YTHDC2: variants seen among roughly 807,000 people sequenced by gnomAD.
The protein encoded by YTHDC2 is 3'-5' RNA helicase YTHDC2.
YTHDC2 carries 45 observed loss-of-function variants against 174.9 expected under a neutral mutation model. The ratio of observed to expected loss-of-function variants is 0.26; its 90% CI spans 0.20 to 0.33. The LOEUF is 0.33. YTHDC2 is among the 10% of genes least tolerant of loss of function. The pLI, the probability that YTHDC2 is intolerant of heterozygous loss-of-function variation, is 1.00. For synonymous variants in YTHDC2, 657 were observed against 574.5 expected, an observed-to-expected ratio of 1.14 and a Z score of -2.05; for missense variants, 1,650 against 1,723.7, an observed-to-expected ratio of 0.96 and a Z score of 0.76.
At chr5:113,581,000 C>G (rs1179350735) in intron 24 of YTHDC2, among the ~76,000 whole-genome samples, 1 of 152,104 alleles carries the variant, frequency 6.6e-6, no homozygotes, top group African/African-American at 2.4e-5. Flanking sequence ...ATTTTGCAAT[C>G]ATTTAGGAAC....
intron 12 of YTHDC2, among the ~76,000 whole-genome samples, chr5:113,552,119 A>C (rs766653044): frequency 1.3e-5 from 2 of 152,120 alleles, no homozygotes; most frequent in South Asian, 2.1e-4. Flanking sequence ...AATTAGATAC[A>C]ACCTATTAAG....
At position 113,514,341 on chromosome 5, in the gene YTHDC2, T is replaced by C. The variant is rs1773249040; in HGVS notation, c.187+259T>C. 3 of 670,660 alleles carry C rather than the reference T, an allele frequency of 4.5e-6. No individual in the cohort carries two copies. The South Asian group carries it at 4.5e-5, about 10-fold the overall frequency. The allele number at this position is 670,660 out of a possible 1,614,324, so 41.5% of individuals were successfully genotyped here. ...TAGCTGAAAGTGTTTTTCCCCCGCGTCTTTCAGCAGCCTTGGGCGGTTAAG... is the reference window on the plus strand; with the variant it reads ...TAGCTGAAAGTGTTTTTCCCCCGCGCCTTTCAGCAGCCTTGGGCGGTTAAG... On this transcript the variant is annotated intron_variant, in intron 1 of 29. Coordinates refer to ENST00000161863, the MANE Select transcript of YTHDC2 (RefSeq NM_022828.5).
Position 113,585,140 on chromosome 5 carries a change from T to A in YTHDC2, c.3825+661T>A, listed in dbSNP as rs139828256. 1.2e-3 allele frequency among the ~76,000 whole-genome samples: 187 copies of A among 152,168 alleles called. 3 individuals carry two copies. In the East Asian group the frequency reaches 0.034, roughly 27 times the overall value. On this transcript the variant is annotated intron_variant, in intron 26 of 29. Coordinates refer to ENST00000161863, the MANE Select transcript of YTHDC2 (RefSeq NM_022828.5). ...AGATTAATTTAACTTTGGTTTATAA[T>A]TTCAGAATCGAAAACAGTGGTTTCT...
In YTHDC2 at chr5:113,564,034, C is replaced by G; in HGVS notation, c.2618C>G (p.Pro873Arg). ...GCTTATCGAGATCCTTTTGTACTAC[C>G]TACTCAGGCCTCTCAAAAACGTGCA... The part of the protein sequence containing the change: ...TLAYRDPFVL[P>R]TQASQKRAAM... Residue 873 changes from proline to arginine, a missense_variant, in exon 20 of 30, where the codon CCT becomes CGT. Around this residue, in one of 5 missense-constraint regions of YTHDC2, gnomAD observed 913 missense variants for 940.4 expected, o/e 0.97. Coordinates refer to ENST00000161863, the MANE Select transcript of YTHDC2 (RefSeq NM_022828.5). The G allele has an allele frequency of 6.2e-7, 1 of 1,614,100 alleles. No individual in the cohort carries two copies. The highest frequency in any genetic ancestry group is 8.5e-7 in the Non-Finnish European group (1 of 1,180,002).
chr5:113,567,048 CT>C (rs1554099966), intron 21 of YTHDC2, 43 bp from the exon 22 acceptor site: 9 of 1,580,522 alleles, frequency 5.7e-6, no homozygotes, highest in Non-Finnish European at 7.7e-6. Flanking sequence ...ACAAAAGTAT[CT>C]TTTGCACAAT....
intron 8 of YTHDC2, 138 bp downstream of exon 8, chr5:113,539,319 G>C (rs1421715741): frequency 5.3e-6 from 2 of 377,110 alleles, no homozygotes; most frequent in Non-Finnish European, 9.6e-6. Flanking sequence ...CCTTATATTG[G>C]AATATTGTCC....
chr5:113,518,844 G>C (rs1291729227), intron 2 of YTHDC2, among the ~76,000 whole-genome samples: 4 of 151,792 alleles, frequency 2.6e-5, no homozygotes, highest in Non-Finnish European at 5.9e-5. Context: ...GATGGATTTT[G>C]TTTTTCATCT....
At chr5:113,561,317 T>C (rs1261580059) in intron 18 of YTHDC2, 132 bp downstream of exon 18, 2 of 562,232 alleles carry the variant, frequency 3.6e-6, no homozygotes, top group Non-Finnish European at 5.9e-6. Context: ...TTATGGAGGG[T>C]GGCTATGTCT....
At chr5:113,570,708 C>T (rs147642320) in intron 23 of YTHDC2, among the ~76,000 whole-genome samples, 4,331 of 151,620 alleles carry the variant, frequency 0.029, 92 homozygotes, top group East Asian at 0.09. Flanking sequence ...TGGAGTGCAG[C>T]GGTGTGATCT....
chr5:113,563,060 G>A lies in YTHDC2; in HGVS notation c.2323-313G>A, dbSNP rs114501188. Among the ~76,000 whole-genome samples, 991 of 106,914 alleles carry A rather than the reference G, an allele frequency of 9.3e-3. 7 individuals carry two copies. The highest frequency in any genetic ancestry group is 0.052 in the African/African-American group (922 of 17,684). The allele number at this position is 106,914 out of a possible 152,430, so 70.1% of individuals were successfully genotyped here. A position where few individuals can be genotyped will look rare whatever the true frequency, so the allele number is the denominator to read the frequency against. On this transcript the variant is annotated intron_variant, in intron 18 of 29. Coordinates refer to ENST00000161863, the MANE Select transcript of YTHDC2 (RefSeq NM_022828.5). ...TTCTAGAATGTAGTAAGTATAAAGGGGGGAAAAGATTTTTTTTTTTTTGGA... is the reference window on the plus strand; with the variant it reads ...TTCTAGAATGTAGTAAGTATAAAGGAGGGAAAAGATTTTTTTTTTTTTGGA...
chr5:113,535,486 C>T (rs975641508), intron 6 of YTHDC2, among the ~76,000 whole-genome samples, 156 bp from the exon 7 acceptor site: 10 of 152,184 alleles, frequency 6.6e-5, no homozygotes, highest in African/African-American at 2.4e-4. Context: ...CTAATTATTT[C>T]TGAAATTCCT....
intron 10 of YTHDC2, among the ~76,000 whole-genome samples, chr5:113,543,494 C>T (rs1220073751): frequency 6.6e-6 from 1 of 152,218 alleles, no homozygotes; most frequent in Non-Finnish European, 1.5e-5. Context: ...ATTTCACTCC[C>T]CTAGTCCAAG....
intron 13 of YTHDC2, 46 bp from the exon 14 acceptor site, chr5:113,553,544 C>G (rs200734913): frequency 1.3e-6 from 2 of 1,585,956 alleles, no homozygotes; most frequent in East Asian, 2.2e-5. Context: ...TTGATTGCCT[C>G]TGATTCACAA....
intron 12 of YTHDC2, among the ~76,000 whole-genome samples, chr5:113,550,302 A>G (rs755016612): frequency 6.6e-5 from 10 of 152,038 alleles, no homozygotes; most frequent in Non-Finnish European, 1.5e-4. Flanking sequence ...TGGCATTGTC[A>G]ATCATATTAA....
intron 20 of YTHDC2, chr5:113,565,681 C>T (rs1293196604): frequency 2.4e-6 from 1 of 424,982 alleles, no homozygotes; most frequent in African/African-American, 2.1e-5. Flanking sequence ...ACTTAGTTCT[C>T]TTTGCGATTT....
At chr5:113,587,743 G>C (rs796913544) in intron 26 of YTHDC2, among the ~76,000 whole-genome samples, 16 of 150,994 alleles carry the variant, frequency 1.1e-4, no homozygotes, top group African/African-American at 3.9e-4. Context: ...GGCTGTTCCA[G>C]GTCCTTTGTA....
At chr5:113,585,501 C>A (rs549431581) in intron 26 of YTHDC2, among the ~76,000 whole-genome samples, 1 of 152,010 alleles carries the variant, frequency 6.6e-6, no homozygotes, top group Non-Finnish European at 1.5e-5. Context: ...GTGTAACTTA[C>A]AATAAAATTC....
intron 4 of YTHDC2, among the ~76,000 whole-genome samples, chr5:113,530,738 T>A (rs183562373): frequency 0.038 from 5,785 of 151,002 alleles, 110 homozygotes; most frequent in Middle Eastern, 0.048. Flanking sequence ...TTAAAAAAAT[T>A]TTTTTTTTTT....
At chr5:113,589,340 A>C (rs1778863244) in intron 26 of YTHDC2, among the ~76,000 whole-genome samples, 1 of 147,728 alleles carries the variant, frequency 6.8e-6, no homozygotes, top group Non-Finnish European at 1.5e-5. Flanking sequence ...CTTTCCTTCT[A>C]ATGTGTTTTT....
Sources: gnomAD v4.1 joint callset for allele counts (sites outside exome capture counted in the v4.1 genomes callset) on GRCh38, gnomAD v4.1.1 for gene constraint, gnomAD v4.1.1 regional missense constraint, MANE v1.5 for transcripts, NCBI Gene and HGNC (gene_info 2026-07-23, HGNC 2026-07-21) for gene names.